MPP4: variants seen among roughly 807,000 people sequenced by gnomAD.
MPP4 encodes MAGUK p55 scaffold protein 4.
Under a neutral mutation model 98.3 loss-of-function variants are expected in MPP4, and 91 were observed. The ratio of observed to expected loss-of-function variants is 0.93; its 90% CI spans 0.78 to 1.10. The LOEUF is 1.10. Among genes scored for constraint, MPP4 ranks in the 50% least tolerant of loss-of-function variants. The pLI is 0.00. For synonymous variants in MPP4, 261 were observed against 271.8 expected, an observed-to-expected ratio of 0.96 and a Z score of 0.39; for missense variants, 744 against 792.9, an observed-to-expected ratio of 0.94 and a Z score of 0.74.
At chr2:201,649,953 T>G (rs1266333334) in intron 19 of MPP4, 119 bp downstream of exon 19, 1 of 1,051,958 alleles carries the variant, frequency 9.5e-7, no homozygotes, top group Non-Finnish European at 1.4e-6. Context: ...ATTTCTTGCT[T>G]AACTCCTCAG....
At chr2:201,667,751 T>C (rs2105926243) in intron 12 of MPP4, among the ~76,000 whole-genome samples, 1 of 152,320 alleles carries the variant, frequency 6.6e-6, no homozygotes, top group African/African-American at 2.4e-5. Flanking sequence ...GTCTGTAGAA[T>C]AAGCTACACT....
intron 15 of MPP4, 46 bp downstream of exon 15, chr2:201,660,286 T>C (rs1687987954): frequency 6.5e-7 from 1 of 1,537,350 alleles, no homozygotes; most frequent in Non-Finnish European, 9.0e-7. Flanking sequence ...CTGAAAGATC[T>C]TAAACATAGT....
intron 15 of MPP4, 65 bp downstream of exon 15, chr2:201,660,267 T>G (rs1687987182): frequency 7.2e-7 from 1 of 1,392,034 alleles, no homozygotes; most frequent in South Asian, 1.2e-5. Flanking sequence ...AGTATTCATT[T>G]TTGAGGCACT....
intron 10 of MPP4, among the ~76,000 whole-genome samples, chr2:201,676,389 C>T (rs1382633347): frequency 6.6e-6 from 1 of 152,198 alleles, no homozygotes; most frequent in East Asian, 1.9e-4. Context: ...GACCTGGGTT[C>T]CAGGCATGCT....
chr2:201,661,895 T>C (rs1404306137), intron 14 of MPP4, among the ~76,000 whole-genome samples: 1 of 152,104 alleles, frequency 6.6e-6, no homozygotes, highest in Non-Finnish European at 1.5e-5. Flanking sequence ...TGTTTTCCAG[T>C]GGGACAGAAC....
chr2:201,689,299 T>G (rs975011688), intron 4 of MPP4, among the ~76,000 whole-genome samples: 3 of 152,120 alleles, frequency 2.0e-5, no homozygotes, highest in Admixed American at 6.5e-5. Context: ...CACTGTAGTC[T>G]GGGTGAAAGA....
chr2:201,660,480 A>G, intron 14 of MPP4, 134 bp from the exon 15 acceptor site: 2 of 892,688 alleles, frequency 2.2e-6, no homozygotes, highest in East Asian at 4.9e-5. Context: ...AACTCGGGTA[A>G]GGCCTGGCAA....
chr2:201,673,321 A>G (rs974489834), intron 11 of MPP4, among the ~76,000 whole-genome samples: 8 of 152,210 alleles, frequency 5.3e-5, no homozygotes, highest in African/African-American at 1.9e-4. Context: ...AGACAGGAAC[A>G]GAAAACCAAA....
chr2:201,655,955 ACTGGTTATATAGTTCATGGACACCATG>A (rs1210752969), intron 17 of MPP4, among the ~76,000 whole-genome samples: 2 of 152,228 alleles, frequency 1.3e-5, no homozygotes, highest in African/African-American at 4.8e-5. Flanking sequence ...ACATCGTAAT[ACTGGTTATATAGTTCATGGACACCATG>A]TCATAACACA....
At chr2:201,650,257 T>C (rs1002368511) in intron 18 of MPP4, 92 bp from the exon 19 acceptor site, 38 of 1,467,338 alleles carry the variant, frequency 2.6e-5, no homozygotes. Context: ...TCAAAATAAA[T>C]AAATGAATAT....
intron 21 of MPP4, among the ~76,000 whole-genome samples, chr2:201,646,089 A>G (rs979729959): frequency 1.5e-4 from 23 of 152,184 alleles, no homozygotes; most frequent in Admixed American, 4.6e-4. Flanking sequence ...ATGTCTCGTC[A>G]TGTTTTGCAA....
intron 15 of MPP4, among the ~76,000 whole-genome samples, chr2:201,659,689 C>G (rs1486537215): frequency 6.6e-6 from 1 of 152,082 alleles, no homozygotes; most frequent in African/African-American, 2.4e-5. Context: ...AAAAAATTAG[C>G]CAGGTGTGGT....
intron 5 of MPP4, among the ~76,000 whole-genome samples, chr2:201,686,890 AATC>A (rs1688854982): frequency 6.6e-6 from 1 of 152,248 alleles, no homozygotes; most frequent in African/African-American, 2.4e-5. Context: ...TCACAGGGAT[AATC>A]ATCATTATAC....
At chr2:201,686,379 G>A (rs1056857293) in intron 5 of MPP4, among the ~76,000 whole-genome samples, 1 of 152,166 alleles carries the variant, frequency 6.6e-6, no homozygotes, top group Non-Finnish European at 1.5e-5. Context: ...TGATGCCCCT[G>A]TGGAGTTTGA....
chr2:201,698,101 T>C (rs979506870), intron 1 of MPP4: 38 of 993,288 alleles, frequency 3.8e-5, no homozygotes, highest in Non-Finnish European at 4.3e-5. Flanking sequence ...AGAAGATGCA[T>C]TAGTGTGACT....
intron 10 of MPP4, among the ~76,000 whole-genome samples, chr2:201,679,718 C>T (rs1211221136): frequency 6.6e-6 from 1 of 152,190 alleles, no homozygotes; most frequent in Non-Finnish European, 1.5e-5. Context: ...GTGGATGACT[C>T]CCATTACTTA....
chr2:201,663,263 G>C (rs555189217), intron 14 of MPP4, among the ~76,000 whole-genome samples: 1 of 152,146 alleles, frequency 6.6e-6, no homozygotes, highest in Admixed American at 6.5e-5. Flanking sequence ...CAGAAGATAC[G>C]TGGGTCAAGA....
intron 16 of MPP4, among the ~76,000 whole-genome samples, chr2:201,657,831 G>A (rs1687900737): frequency 6.6e-6 from 1 of 151,824 alleles, no homozygotes; most frequent in Non-Finnish European, 1.5e-5. Context: ...CTGCACAGAT[G>A]CCTTCTTCAC....
At position 201,656,200 on chromosome 2, in the gene MPP4, A is replaced by G. The variant is rs1405400763; in HGVS notation, c.1298T>C (p.Met433Thr). The G allele has an allele frequency of 1.2e-6, 2 of 1,602,206 alleles. No homozygotes were observed. The highest frequency in any genetic ancestry group is 2.2e-5 in the East Asian group (1 of 44,590). ...PSDKYRLIVL[M>T]GPSGVGVNEL... is the part of the protein sequence containing the mutation. Reference sequence around the variant, plus strand: ...AGACAGTGCATGCTGGGACATACCCATGAGCACTATGAGGCGGTACTTGTC... The same window carrying G: ...AGACAGTGCATGCTGGGACATACCCGTGAGCACTATGAGGCGGTACTTGTC... The change falls in exon 17 of 22, where the codon ATG becomes ACG. Residue 433 changes from methionine to threonine, a missense_variant and splice_region_variant. Coordinates refer to ENST00000409474, the MANE Select transcript of MPP4 (RefSeq NM_033066.3).
Sources: gnomAD v4.1 joint callset for allele counts (sites outside exome capture counted in the v4.1 genomes callset) on GRCh38, gnomAD v4.1.1 for gene constraint, MANE v1.5 for transcripts, NCBI Gene and HGNC (gene_info 2026-07-23, HGNC 2026-07-21) for gene names.